C4orf50: variants seen among roughly 807,000 people sequenced by gnomAD.
C4orf50 encodes the protein uncharacterized protein C4orf50.
In C4orf50, 80 loss-of-function variants were observed where a neutral mutation model predicts 77.2. The observed-to-expected ratio is 1.04, with a 90% CI of 0.87 to 1.25. The LOEUF (loss-of-function observed/expected upper bound fraction) is 1.25, where lower values mean the gene tolerates loss of function less well. Ranked by LOEUF, C4orf50 falls within the 50% of genes most tolerant of loss-of-function variation. The pLI is 0.00. For missense variants in C4orf50, 1,257 were observed against 1,152.9 expected (o/e 1.09, Z -1.31); for synonymous variants, 532 against 465.3 (o/e 1.14, Z -1.84).
At chr4:6,004,069 A>ATGG (rs1345535972) in intron 25 of C4orf50, among the ~76,000 whole-genome samples, 1 of 98,286 alleles carries the variant, frequency 1.0e-5, no homozygotes, top group African/African-American at 4.0e-5. Flanking sequence ...GATGATGGTG[A>ATGG]TGGTGATGAT....
chr4:6,003,833 G>T, intron 25 of C4orf50, among the ~76,000 whole-genome samples: 1 of 86,214 alleles, frequency 1.2e-5, no homozygotes, highest in Non-Finnish European at 2.4e-5. Flanking sequence ...TGATGGTGAT[G>T]ATGTGATAGT....
At chr4:5,966,342 G>A (rs777183537) in intron 32 of C4orf50, among the ~76,000 whole-genome samples, 1 of 152,062 alleles carries the variant, frequency 6.6e-6, no homozygotes, top group Non-Finnish European at 1.5e-5. Context: ...AGGCATGATA[G>A]TGGGCGCCTG....
chr4:5,939,005 G>C (rs889018159), intron 7 of C4orf50, among the ~76,000 whole-genome samples: 2 of 152,106 alleles, frequency 1.3e-5, no homozygotes, highest in African/African-American at 4.8e-5. Context: ...ACTTTGGGAG[G>C]CCAAGGCAGG....
exon 31 of C4orf50, chr4:5,973,778 G>C: frequency 6.2e-7 from 1 of 1,613,764 alleles, no homozygotes; most frequent in Non-Finnish European, 8.5e-7. Flanking sequence ...TGCAGCTCCT[G>C]CAGCAGGTGG....
At position 5,970,174 on chromosome 4, in the gene C4orf50, C is replaced by T. The variant is rs1447150881; in HGVS notation, c.4105-2712G>A. Among the ~76,000 whole-genome samples, 1 of 150,728 alleles carries T rather than the reference C, an allele frequency of 6.6e-6. No individual in the cohort carries two copies. Among genetic ancestry groups the T allele is most frequent in the Admixed American group, 6.6e-5 (1 of 15,228 alleles). ...AAAAAAAAAAAAAGGCCCACTGGGG[C>T]TAGGGGTCGGGGGGCATAGAGAGGA... is the stretch of plus-strand genomic sequence containing the variant. On this transcript the variant is annotated intron_variant, in intron 31 of 33. Transcript: ENST00000531445. The surrounding 1 kb of genome is among the most constrained non-coding windows in gnomAD (Gnocchi z 4.3).
intron 28 of C4orf50, among the ~76,000 whole-genome samples, chr4:5,983,583 A>G (rs1041845480): frequency 1.1e-4 from 17 of 152,210 alleles, no homozygotes; most frequent in African/African-American, 3.9e-4. Context: ...GAATCTGGGG[A>G]GAATATATAC....
At chr4:5,973,396 T>C (rs536441837) in intron 31 of C4orf50, among the ~76,000 whole-genome samples, 1 of 152,358 alleles carries the variant, frequency 6.6e-6, no homozygotes, top group East Asian at 1.9e-4. Flanking sequence ...TGTATGACGC[T>C]GAATTACAAT....
rs540604242 is a variant in C4orf50, at chr4:5,900,824, C to T, written c.*2475-2636G>A. ...AGTCTGAGGCTGTCTCCAGCTCCAACAATGGATGTTTCCGGATCTGTCACC... is the reference window on the plus strand; with the variant it reads ...AGTCTGAGGCTGTCTCCAGCTCCAATAATGGATGTTTCCGGATCTGTCACC... On this transcript the variant is annotated intron_variant, in intron 7 of 7. Coordinates refer to the C4orf50 transcript ENST00000324058. This position sits in a 1 kb window ranked among gnomAD's most constrained non-coding sequence, Gnocchi z 4.3. 1 of 152,354 alleles carries T rather than the reference C, an allele frequency of 6.6e-6. No homozygotes were observed. Among genetic ancestry groups the T allele is most frequent in the South Asian group, 2.1e-4 (1 of 4,828 alleles). 9.4% of individuals were successfully genotyped at this position (152,354 alleles called of 1,614,324 possible). A position where few individuals can be genotyped will look rare whatever the true frequency, so the allele number is the denominator to read the frequency against.
chr4:5,924,960 A>G (rs1384667894), intron 7 of C4orf50, among the ~76,000 whole-genome samples: 1 of 152,082 alleles, frequency 6.6e-6, no homozygotes, highest in African/African-American at 2.4e-5. Flanking sequence ...GCAGGTGTGC[A>G]GCTCAGGAGG....
intron 32 of C4orf50, 128 bp from the exon 11 acceptor site, chr4:5,965,273 C>CG: frequency 1.0e-6 from 1 of 983,104 alleles, no homozygotes. Flanking sequence ...TTTCCATGCC[C>CG]CGGGGCAGAG....
intron 7 of C4orf50, among the ~76,000 whole-genome samples, chr4:5,929,794 G>A (rs1220024897): frequency 6.6e-6 from 1 of 152,228 alleles, no homozygotes; most frequent in East Asian, 1.9e-4. Flanking sequence ...AAGTTCAAGT[G>A]CTTGGTCCAA....
At position 5,973,171 on chromosome 4, in the gene C4orf50, G is replaced by A. The variant is rs528502318; in HGVS notation, c.4104+488C>T. Among the ~76,000 whole-genome samples, 8 of 152,272 alleles carry A rather than the reference G, an allele frequency of 5.3e-5. No individual in the cohort carries two copies. The South Asian group carries it at 1.2e-3, about 24-fold the overall frequency. ...CAGGAGAGCTCCCTGCTCATGCCCC[G>A]TCACGCGGGGCCACGTGCAATGGAG... is the stretch of plus-strand genomic sequence containing the variant. On this transcript the variant is annotated intron_variant, in intron 31 of 33. Transcript: ENST00000531445.
downstream of C4orf50, among the ~76,000 whole-genome samples, chr4:5,955,201 G>C (rs150519202): frequency 2.8e-3 from 425 of 152,228 alleles, 4 homozygotes; most frequent in African/African-American, 9.5e-3. The surrounding 1 kb of genome is among the most constrained non-coding windows in gnomAD (Gnocchi z 5.1). Context: ...TAAGCATGTC[G>C]CAGGGCCCTC....
exon 28 of C4orf50, chr4:5,988,806 G>A: frequency 6.5e-7 from 1 of 1,536,084 alleles, no homozygotes; most frequent in Non-Finnish European, 8.7e-7. Flanking sequence ...CCCGGATCAT[G>A]TCTTCTATTC....
intron 28 of C4orf50, among the ~76,000 whole-genome samples, chr4:5,988,144 G>A (rs1016111567): frequency 2.0e-5 from 3 of 152,198 alleles, no homozygotes; most frequent in African/African-American, 7.2e-5. Flanking sequence ...CCAGGTGTGA[G>A]TCCCTGCTCC....
intron 32 of C4orf50, among the ~76,000 whole-genome samples, chr4:5,966,476 A>G (rs1353609698): frequency 6.6e-6 from 1 of 151,802 alleles, no homozygotes; most frequent in African/African-American, 2.4e-5. Context: ...CTCCCTCTCA[A>G]AAATAAATAA....
intron 7 of C4orf50, among the ~76,000 whole-genome samples, chr4:5,946,268 G>C (rs1216565652): frequency 2.6e-5 from 4 of 152,162 alleles, no homozygotes; most frequent in South Asian, 4.1e-4. Flanking sequence ...AGCCAGGCTG[G>C]GGCTTGAGGG....
In C4orf50 at chr4:5,916,805, T is replaced by A. The variant is rs560380944; in HGVS notation, c.*2475-18617A>T. Among the ~76,000 whole-genome samples the A allele has an allele frequency of 6.6e-6, 1 of 152,046 alleles. No homozygotes were observed. Among genetic ancestry groups the A allele is most frequent in the South Asian group, 2.1e-4 (1 of 4,798 alleles). On this transcript the variant is annotated intron_variant, in intron 7 of 7. Transcript: ENST00000324058. The surrounding 1 kb of genome is among the most constrained non-coding windows in gnomAD (Gnocchi z 4.4). ...CAGAAGGCCTCGCAGATCTTCTGCT[T>A]AGAGGACAGGAGCCTCTGCTTGAGG...
At chr4:5,923,089 C>A (rs534338087) in intron 7 of C4orf50, among the ~76,000 whole-genome samples, 2 of 152,194 alleles carry the variant, frequency 1.3e-5, no homozygotes, top group African/African-American at 4.8e-5. Flanking sequence ...GGAGTAGACG[C>A]GATTTTCCCT....
Sources: gnomAD v4.1 joint callset for allele counts (sites outside exome capture counted in the v4.1 genomes callset) on GRCh38, gnomAD v4.1.1 for gene constraint, Gnocchi (gnomAD v3.1) non-coding constraint, MANE v1.5 for transcripts, NCBI Gene and HGNC (gene_info 2026-07-23, HGNC 2026-07-21) for gene names.